The following VIL1 variants were observed in gnomAD, a reference collection of about 807,000 sequenced individuals.
VIL1 encodes villin-1.
Under a neutral mutation model 104.0 loss-of-function variants are expected in VIL1, and 86 were observed. The observed-to-expected ratio is 0.83, with a 90% CI of 0.69 to 0.99. The LOEUF (loss-of-function observed/expected upper bound fraction) is 0.99, where lower values mean the gene tolerates loss of function less well. Among genes scored for constraint, VIL1 ranks in the 50% least tolerant of loss-of-function variants. VIL1 has a pLI of 0.00. For missense variants in VIL1, 944 were observed against 1,054.1 expected (o/e 0.90, Z 1.45); for synonymous variants, 394 against 412.6 (o/e 0.95, Z 0.55).
intron 19 of VIL1, among the ~76,000 whole-genome samples, chr2:218,444,378 C>T (rs977578011): frequency 1.3e-5 from 2 of 151,958 alleles, no homozygotes; most frequent in Non-Finnish European, 2.9e-5. Context: ...CTCCTGGGTT[C>T]ACGCCATTCT....
intron 17 of VIL1, 145 bp downstream of exon 17, chr2:218,437,457 G>A (rs1362691729): frequency 8.1e-6 from 9 of 1,117,418 alleles, no homozygotes; most frequent in Non-Finnish European, 1.1e-5. Flanking sequence ...AAGTAAGGCT[G>A]CACTAAGGCC....
intron 19 of VIL1, among the ~76,000 whole-genome samples, chr2:218,446,760 C>CTTTTT (rs71064450): frequency 0.027 from 3,336 of 125,378 alleles, 520 homozygotes; most frequent in African/African-American, 0.12. Context: ...GTGACCTTGA[C>CTTTTT]TTTTTTTTTT....
intron 4 of VIL1, 41 bp downstream of exon 4, chr2:218,425,852 T>TG: frequency 6.4e-7 from 1 of 1,566,662 alleles, no homozygotes; most frequent in Non-Finnish European, 8.7e-7. Context: ...TGAGGATGAG[T>TG]GGTAGGGATA....
At chr2:218,424,385 G>C in intron 3 of VIL1, 34 bp downstream of exon 3, 1 of 1,606,014 alleles carries the variant, frequency 6.2e-7, no homozygotes, top group Non-Finnish European at 8.5e-7. Flanking sequence ...GCTGAGCAGA[G>C]AGCAAAACCC....
chr2:218,451,618 A>G lies in VIL1; in HGVS notation c.*2282A>G, dbSNP rs1689481616. On this transcript the variant is annotated 3_prime_UTR_variant, in exon 20 of 20. Transcript: ENST00000248444. The stretch of plus-strand genomic sequence containing the variant: ...TGTATAGTTACATAATGGTAACTAC[A>G]CACGATACAGAAGAATCAGTAAATT... The G allele has an allele frequency of 6.6e-6, 1 of 152,118 alleles. No homozygotes were observed. Among genetic ancestry groups the G allele is most frequent in the Non-Finnish European group, 1.5e-5 (1 of 68,040 alleles). 9.4% of individuals were successfully genotyped at this position (152,118 alleles called of 1,614,324 possible).
At chr2:218,427,920 C>T in intron 4 of VIL1, 45 bp from the exon 5 acceptor site, 1 of 1,567,146 alleles carries the variant, frequency 6.4e-7, no homozygotes, top group East Asian at 2.2e-5. Context: ...GGGCCAGGCA[C>T]ACCTCCCAGC....
intron 19 of VIL1, among the ~76,000 whole-genome samples, chr2:218,447,466 C>A (rs1316635474): frequency 6.6e-6 from 1 of 151,926 alleles, no homozygotes; most frequent in Non-Finnish European, 1.5e-5. Flanking sequence ...TATAGGCGTG[C>A]ACCACCATGC....
rs778210422 is a variant in VIL1, at chr2:218,430,761, C to A, written c.985C>A (p.Gln329Lys). 1.6e-5 allele frequency: 25 copies of A among 1,610,784 alleles called. No individual in the cohort carries two copies. The Admixed American group carries it at 4.2e-4, about 27-fold the overall frequency. Residue 329 changes from glutamine to lysine, a missense_variant, in exon 10 of 20, where the codon CAG becomes AAG. By Grantham distance (53) the Gln-to-Lys change is moderately conservative (BLOSUM62 1). Coordinates refer to ENST00000248444, the MANE Select transcript of VIL1 (RefSeq NM_007127.3). ...IKAKQYPPST[Q>K]VEVQNDGAES... Reference sequence around the variant, plus strand: ...AGCCAAGCAGTACCCACCAAGCACACAGGTGGAGGTGCAGAATGATGGGGC... The same window carrying A: ...AGCCAAGCAGTACCCACCAAGCACAAAGGTGGAGGTGCAGAATGATGGGGC...
rs1286917854 is a variant in VIL1, at chr2:218,428,272, C to T, written c.502C>T (p.Leu168=). The change falls in exon 6 of 20, where the codon CTG becomes TTG. Residue 168 remains leucine (L), a synonymous_variant. Coordinates refer to ENST00000248444, the MANE Select transcript of VIL1 (RefSeq NM_007127.3). ...KSFNRGDVFL[L]DLGKLIIQWN... ...TTTCAACCGAGGGGATGTTTTCCTC[C>T]TGGACCTTGGGAAGCTTATCATCCA... 1 of 1,614,198 alleles carries T rather than the reference C, an allele frequency of 6.2e-7. No individual in the cohort carries two copies. Among genetic ancestry groups the T allele is most frequent in the Admixed American group, 1.7e-5 (1 of 60,016 alleles).
Position 218,428,058 on chromosome 2 carries a change from C to T in VIL1, c.441C>T (p.Asn147=), listed in dbSNP as rs199702756. ...QRLLHVKGKR[N]VVAGEVEMSW... ...TGCTGCATGTCAAGGGCAAGAGGAA[C>T]GTGGTAGCTGGAGAGGTAGGCAGGC... The change falls in exon 5 of 20, where the codon AAC becomes AAT. Residue 147 remains asparagine, a synonymous_variant. Coordinates refer to ENST00000248444, the MANE Select transcript of VIL1 (RefSeq NM_007127.3). 52 of 1,614,088 alleles carry T rather than the reference C, an allele frequency of 3.2e-5. No homozygotes were observed. In the East Asian group the frequency reaches 1.1e-3, roughly 33 times the overall value.
intron 19 of VIL1, among the ~76,000 whole-genome samples, chr2:218,446,999 A>G (rs1689374186): frequency 6.6e-6 from 1 of 151,268 alleles, no homozygotes. Context: ...CCTGACCTCA[A>G]GTGATCCACT....
chr2:218,420,504 C>G (rs1688883956), intron 1 of VIL1, among the ~76,000 whole-genome samples: 1 of 150,164 alleles, frequency 6.7e-6, no homozygotes, highest in African/African-American at 2.4e-5. Flanking sequence ...ACAGTGGGAG[C>G]CCAAACCCCT....
Position 218,437,213 on chromosome 2 carries a change from C to A in VIL1, c.2061C>A (p.Ser687Arg), listed in dbSNP as rs142494846. The change falls in exon 17 of 20, where the codon AGC (serine) becomes AGA (arginine). Residue 687 changes from serine to arginine, a missense_variant. Ser to Arg is a moderately radical substitution (Grantham distance 110). Transcript: ENST00000248444. ...AGGAATACCTCAAGACCCATCCCAG[C>A]GGGCGTGACCCTGAGACCCCCATCA... ...TAQEYLKTHP[S>R]GRDPETPIIV... 2 of 1,614,080 alleles carry A rather than the reference C, an allele frequency of 1.2e-6. No homozygotes were observed. The highest frequency in any genetic ancestry group is 1.1e-5 in the South Asian group (1 of 91,084).
At chr2:218,424,666 AT>A (rs59287262) in intron 3 of VIL1, among the ~76,000 whole-genome samples, 10,127 of 151,690 alleles carry the variant, frequency 0.067, 1,035 homozygotes, top group African/African-American at 0.22. Context: ...TTTTTTTAAA[AT>A]TTTTTTCCGG....
chr2:218,429,861 C>A lies in VIL1; in HGVS notation c.862C>A (p.Leu288Met), dbSNP rs1262805217. ...CTCCCGACTCTAGGACTGTTACATC[C>A]TGGACCAGGGGGGCCTGAAGATCTA... ...DLLSHEDCYI[L>M]DQGGLKIYVW... The change falls in exon 9 of 20, where the codon CTG (leucine) becomes ATG (methionine). Residue 288 changes from leucine (L) to methionine (M), a missense_variant. Physicochemically the swap from Leu to Met is conservative, Grantham distance 15. Coordinates refer to ENST00000248444, the MANE Select transcript of VIL1 (RefSeq NM_007127.3). 2 of 1,613,444 alleles carry A rather than the reference C, an allele frequency of 1.2e-6. No individual in the cohort carries two copies. Among genetic ancestry groups the A allele is most frequent in the East Asian group, 4.5e-5 (2 of 44,824 alleles).
intron 9 of VIL1, 122 bp from the exon 10 acceptor site, chr2:218,430,603 C>T: frequency 1.5e-6 from 2 of 1,314,508 alleles, no homozygotes; most frequent in East Asian, 2.5e-5. Context: ...GGTTTGGGTT[C>T]AGTTTTGGTG....
Position 218,426,198 on chromosome 2 carries a change from C to G in VIL1, c.347+387C>G, listed in dbSNP as rs147662457. Among the ~76,000 whole-genome samples the G allele has an allele frequency of 4.6e-5, 7 of 152,258 alleles. No individual in the cohort carries two copies. The East Asian group carries it at 1.4e-3, about 29-fold the overall frequency. ...TCTGGCCAACGGGCAAATGGCTGCT[C>G]CCCCATCTCTAATGCAGGCCTATCA... On this transcript the variant is annotated intron_variant, in intron 4 of 19. Coordinates refer to ENST00000248444, the MANE Select transcript of VIL1 (RefSeq NM_007127.3).
chr2:218,428,166 C>T lies in VIL1; in HGVS notation c.457-61C>T, dbSNP rs527925481. 2.1e-5 allele frequency: 33 copies of T among 1,599,136 alleles called. No individual in the cohort carries two copies. In the South Asian group the frequency reaches 3.4e-4, roughly 17 times the overall value. ...GGGGTGAGGGGCAGGGAGGGATGGC[C>T]AAGATGATGGATGATAGGTGAGCTC... On this transcript the variant is annotated intron_variant, in intron 5 of 19. Transcript: ENST00000248444.
At chr2:218,422,444 A>G (rs1688911666) in intron 1 of VIL1, among the ~76,000 whole-genome samples, 1 of 152,130 alleles carries the variant, frequency 6.6e-6, no homozygotes, top group South Asian at 2.1e-4. Flanking sequence ...CCTGATGGAG[A>G]AGGCCATAGC....
Sources: gnomAD v4.1 joint callset for allele counts (sites outside exome capture counted in the v4.1 genomes callset) on GRCh38, gnomAD v4.1.1 for gene constraint, MANE v1.5 for transcripts, NCBI Gene and HGNC (gene_info 2026-07-23, HGNC 2026-07-21) for gene names.